TLK1: variants seen among roughly 807,000 people sequenced by gnomAD.
TLK1 encodes tousled like kinase 1, also known as serine/threonine-protein kinase tousled-like 1.
TLK1 carries 24 observed loss-of-function variants against 105.3 expected under a neutral mutation model. That is an observed-to-expected ratio of 0.23 (90% CI 0.17 to 0.32). The LOEUF (loss-of-function observed/expected upper bound fraction) is 0.32, where lower values mean the gene tolerates loss of function less well. TLK1 is among the 10% of genes least tolerant of loss of function. The probability of loss-of-function intolerance (pLI) is 1.00; values close to 1 mark genes in which losing one functional copy is unlikely to be tolerated. For synonymous variants in TLK1, 321 were observed against 310.4 expected, an observed-to-expected ratio of 1.03 and a Z score of -0.36; for missense variants, 558 against 910.5, an observed-to-expected ratio of 0.61 and a Z score of 4.98.
At chr2:171,061,231 T>C in intron 3 of TLK1, 75 bp from the exon 4 acceptor site, 3 of 1,473,442 alleles carry the variant, frequency 2.0e-6, no homozygotes, top group Non-Finnish European at 1.9e-6. Context: ...CATAAAACCA[T>C]GTTTCGAGAC....
At chr2:171,119,783 A>G (rs1409983782) in intron 1 of TLK1, among the ~76,000 whole-genome samples, 2 of 152,234 alleles carry the variant, frequency 1.3e-5, no homozygotes, top group Non-Finnish European at 2.9e-5. Context: ...AAATAAATTG[A>G]GTTGGATCCT....
chr2:171,225,264 A>G (rs1198651803), intron 1 of TLK1, among the ~76,000 whole-genome samples: 1 of 152,228 alleles, frequency 6.6e-6, no homozygotes, highest in Non-Finnish European at 1.5e-5. Context: ...TGCAGAATAT[A>G]TAATAACTCT....
intron 1 of TLK1, among the ~76,000 whole-genome samples, chr2:171,229,828 T>C (rs1200369037): frequency 6.6e-6 from 1 of 152,198 alleles, no homozygotes; most frequent in Admixed American, 6.5e-5. Flanking sequence ...CTTGGGTCAT[T>C]GGCATGGCGA....
intron 1 of TLK1, among the ~76,000 whole-genome samples, chr2:171,146,459 T>G (rs532804846): frequency 6.6e-6 from 1 of 152,202 alleles, no homozygotes; most frequent in Non-Finnish European, 1.5e-5. Context: ...GAACAACTGG[T>G]ATTGAATTCA....
At chr2:171,026,813 C>T (rs1052117892) in intron 12 of TLK1, among the ~76,000 whole-genome samples, 1 of 152,022 alleles carries the variant, frequency 6.6e-6, no homozygotes, top group Non-Finnish European at 1.5e-5. Context: ...GGTTCTATCA[C>T]TATTATAGAA....
intron 1 of TLK1, among the ~76,000 whole-genome samples, chr2:171,191,126 C>CGAGA (rs1199695922): frequency 4.6e-5 from 7 of 151,798 alleles, no homozygotes; most frequent in African/African-American, 1.5e-4. Context: ...CGCCACTGCA[C>CGAGA]TCTAGCCTGG....
At chr2:171,110,190 C>T (rs1432099441) in intron 2 of TLK1, among the ~76,000 whole-genome samples, 1 of 152,154 alleles carries the variant, frequency 6.6e-6, no homozygotes, top group Non-Finnish European at 1.5e-5. Flanking sequence ...ACTAAAAAGG[C>T]CAGGTGTGGT....
intron 1 of TLK1, among the ~76,000 whole-genome samples, chr2:171,167,679 C>A (rs1284920368): frequency 6.6e-6 from 1 of 151,998 alleles, no homozygotes; most frequent in Non-Finnish European, 1.5e-5. Flanking sequence ...AAAAAGAAAA[C>A]CCTTGGTCCA....
chr2:171,028,527 T>C, intron 11 of TLK1, 122 bp from the exon 12 acceptor site: 1 of 627,724 alleles, frequency 1.6e-6, no homozygotes. Flanking sequence ...CCAAAATGTA[T>C]GAGCCAAAAA....
At position 170,991,539 on chromosome 2, in the gene TLK1, A is replaced by G. The variant is rs974032247; in HGVS notation, c.*2241T>C. 1 of 152,232 alleles carries G rather than the reference A, an allele frequency of 6.6e-6. No individual in the cohort carries two copies. The highest frequency in any genetic ancestry group is 6.5e-5 in the Admixed American group (1 of 15,284). The allele number at this position is 152,232 out of a possible 1,614,324, so 9.4% of individuals were successfully genotyped here. Reference sequence around the variant, plus strand: ...TCTCCTACACATCTTTGATTTTAAAATGATGACCTAAACCCAGGTCAGGAA... The same window carrying G: ...TCTCCTACACATCTTTGATTTTAAAGTGATGACCTAAACCCAGGTCAGGAA... On this transcript the variant is annotated 3_prime_UTR_variant, in exon 21 of 21. Coordinates refer to ENST00000431350, the MANE Select transcript of TLK1 (RefSeq NM_012290.5).
intron 12 of TLK1, among the ~76,000 whole-genome samples, chr2:171,018,012 A>G (rs1339640433): frequency 2.0e-5 from 3 of 152,236 alleles, no homozygotes; most frequent in Non-Finnish European, 4.4e-5. Flanking sequence ...AAGTACATAT[A>G]TTGTGATGGG....
rs184176792 is a variant in TLK1, at chr2:171,209,403, G to C, written c.-6+21742C>G. ...TAGGTATCTATGTGATAGAATGCTAGATAGCGATGAAAATTTATATTGTAA... is the reference window on the plus strand; with the variant it reads ...TAGGTATCTATGTGATAGAATGCTACATAGCGATGAAAATTTATATTGTAA... On this transcript the variant is annotated intron_variant, in intron 1 of 20. Transcript: ENST00000521943. Among the ~76,000 whole-genome samples, 302 of 152,248 alleles carry C rather than the reference G, an allele frequency of 2.0e-3. 3 individuals carry two copies. The highest frequency in any genetic ancestry group is 6.9e-3 in the African/African-American group (288 of 41,546).
rs139108663 is a variant in TLK1 at position 171,009,687 on chromosome 2, C to A, written c.1416+1686G>T. On this transcript the variant is annotated intron_variant, in intron 14 of 20. Coordinates refer to ENST00000431350, the MANE Select transcript of TLK1 (RefSeq NM_012290.5). ...CATGTGATAACTCAGTTAATCACTG[C>A]AACAACCCTATAATGTAGGTATTGT... Among the ~76,000 whole-genome samples, 56 of 152,254 alleles carry A rather than the reference C, an allele frequency of 3.7e-4. 3 individuals are homozygous for A. In the East Asian group the frequency reaches 9.8e-3, roughly 27 times the overall value.
Position 171,070,450 on chromosome 2 carries a change from C to G in TLK1, c.331-9294G>C, listed in dbSNP as rs1688199906. On this transcript the variant is annotated intron_variant, in intron 3 of 20. Transcript: ENST00000431350. ...CACCACTCTTCCCAGACTCTAGTAA[C>G]CATCTTTTTACCCTCTTTCCCCATA... 2.0e-5 allele frequency among the ~76,000 whole-genome samples: 3 copies of G among 152,076 alleles called. No individual in the cohort carries two copies. In the South Asian group the frequency reaches 6.2e-4, roughly 32 times the overall value.
intron 2 of TLK1, among the ~76,000 whole-genome samples, chr2:171,117,056 A>C (rs1690463685): frequency 6.6e-6 from 1 of 152,252 alleles, no homozygotes; most frequent in East Asian, 1.9e-4. Flanking sequence ...AGCAATACCT[A>C]ATCTTTTTGG....
chr2:171,073,881 C>CCA (rs200135260), intron 3 of TLK1, among the ~76,000 whole-genome samples: 1 of 129,090 alleles, frequency 7.7e-6, no homozygotes, highest in South Asian at 2.7e-4. Flanking sequence ...TTCCCCCCCC[C>CCA]CCTCCTTTTT....
intron 2 of TLK1, among the ~76,000 whole-genome samples, chr2:171,108,937 C>G (rs1690048388): frequency 6.6e-6 from 1 of 152,030 alleles, no homozygotes; most frequent in African/African-American, 2.4e-5. Flanking sequence ...AAATAGAAAA[C>G]CATATACCTA....
At chr2:171,083,560 C>T (rs894170778) in intron 2 of TLK1, among the ~76,000 whole-genome samples, 2 of 152,098 alleles carry the variant, frequency 1.3e-5, no homozygotes, top group African/African-American at 4.8e-5. Flanking sequence ...TCCAGAAATG[C>T]TTAGACCAGG....
chr2:171,137,062 C>A (rs917142430), intron 1 of TLK1, among the ~76,000 whole-genome samples: 2 of 152,164 alleles, frequency 1.3e-5, no homozygotes, highest in African/African-American at 4.8e-5. Flanking sequence ...GTGGCTCACA[C>A]TTGTAATCCC....
Sources: allele counts gnomAD v4.1 joint callset (sites outside exome capture counted in the v4.1 genomes callset), GRCh38; gene constraint gnomAD v4.1.1; transcripts MANE v1.5; gene names NCBI Gene and HGNC (gene_info 2026-07-23, HGNC 2026-07-21).